MCU: variants seen among roughly 807,000 people sequenced by gnomAD.
MCU encodes the protein mitochondrial calcium uniporter.
Under a neutral mutation model 45.2 loss-of-function variants are expected in MCU, and 12 were observed. The observed-to-expected ratio is 0.27, with a 90% CI of 0.17 to 0.43. The LOEUF is 0.43. MCU is among the 20% of genes least tolerant of loss of function. MCU has a pLI of 1.00. For missense variants in MCU, 324 were observed against 436.7 expected (o/e 0.74, Z 2.30); for synonymous variants, 160 against 165.1 (o/e 0.97, Z 0.24).
chr10:72,765,932 T>C (rs765693505), intron 1 of MCU, among the ~76,000 whole-genome samples: 8 of 152,046 alleles, frequency 5.3e-5, no homozygotes, highest in Non-Finnish European at 1.0e-4. Flanking sequence ...AATGGCGAGA[T>C]CATAACTCAC....
rs549411612 is a variant in MCU, at chr10:72,699,922, C to T, written c.150+7621C>T. Among the ~76,000 whole-genome samples, 8 of 151,540 alleles carry T rather than the reference C, an allele frequency of 5.3e-5. No individual in the cohort carries two copies. In the South Asian group the frequency reaches 1.7e-3, roughly 32 times the overall value. ...GGTTTTTTTCTTAGTAGCTCAGCAT[C>T]TTAATACAGAACTGGAAATGGGTCA... On this transcript the variant is annotated intron_variant, in intron 1 of 7. Coordinates refer to ENST00000373053, the MANE Select transcript of MCU (RefSeq NM_138357.3).
chr10:72,760,288 C>T (rs1217348081), intron 1 of MCU, among the ~76,000 whole-genome samples: 1 of 151,902 alleles, frequency 6.6e-6, no homozygotes, highest in South Asian at 2.1e-4. Context: ...TGGGCTCAAG[C>T]GATCCTCCCA....
chr10:72,868,960 A>G lies in MCU; in HGVS notation c.657+97A>G. ...CTTGTAAGTTTTATGCAATTGAGTC[A>G]TGTCAATCAAGTTAGTTCTTTAGTT... On this transcript the variant is annotated intron_variant, in intron 5 of 7. Coordinates refer to ENST00000373053, the MANE Select transcript of MCU (RefSeq NM_138357.3). 4.7e-6 allele frequency: 6 copies of G among 1,270,820 alleles called. No homozygotes were observed. In the South Asian group the frequency reaches 9.1e-5, roughly 19 times the overall value. The allele number at this position is 1,270,820 out of a possible 1,614,324, so 78.7% of individuals were successfully genotyped here. A position where few individuals can be genotyped will look rare whatever the true frequency, so the allele number is the denominator to read the frequency against.
intron 1 of MCU, among the ~76,000 whole-genome samples, chr10:72,698,545 C>A (rs1217634030): frequency 1.3e-5 from 2 of 152,192 alleles, no homozygotes; most frequent in Admixed American, 1.3e-4. Flanking sequence ...TACTCTGTCG[C>A]CCAGGCTGGA....
intron 2 of MCU, among the ~76,000 whole-genome samples, chr10:72,858,211 G>A (rs950417658): frequency 6.6e-6 from 1 of 152,146 alleles, no homozygotes; most frequent in Non-Finnish European, 1.5e-5. Context: ...TATAGGAGAG[G>A]CCATGCATAT....
At chr10:72,869,661 A>G (rs962559780) in intron 5 of MCU, among the ~76,000 whole-genome samples, 5 of 152,230 alleles carry the variant, frequency 3.3e-5, no homozygotes, top group African/African-American at 1.2e-4. Context: ...TTAAAAATCA[A>G]TATAATGACT....
intron 1 of MCU, among the ~76,000 whole-genome samples, chr10:72,806,728 A>C (rs1048940350): frequency 2.0e-4 from 30 of 152,234 alleles, no homozygotes; most frequent in Non-Finnish European, 7.3e-5. Context: ...GCAATTGTTG[A>C]GCTACTTTAG....
intron 6 of MCU, among the ~76,000 whole-genome samples, chr10:72,880,290 A>G (rs1009319414): frequency 2.0e-5 from 3 of 152,210 alleles, no homozygotes. Flanking sequence ...AAAAATACAG[A>G]AGAAATGTAC....
chr10:72,817,059 T>C (rs1306458745), intron 1 of MCU, among the ~76,000 whole-genome samples: 1 of 152,206 alleles, frequency 6.6e-6, no homozygotes, highest in Non-Finnish European at 1.5e-5. Context: ...TCCAGAAGCA[T>C]TCAGGAGAAT....
intron 4 of MCU, among the ~76,000 whole-genome samples, chr10:72,867,854 C>CAAA (rs777086421): frequency 4.8e-5 from 3 of 62,860 alleles, no homozygotes; most frequent in Admixed American, 1.9e-4. Flanking sequence ...GACTTTGTCT[C>CAAA]AAAAAAAAAA....
intron 1 of MCU, among the ~76,000 whole-genome samples, chr10:72,767,476 T>C (rs1356974079): frequency 6.6e-6 from 1 of 152,092 alleles, no homozygotes; most frequent in Non-Finnish European, 1.5e-5. Context: ...TCATTTCAGC[T>C]CTTTTGTATT....
chr10:72,757,839 G>T (rs1589447113), intron 1 of MCU, among the ~76,000 whole-genome samples: 1 of 152,216 alleles, frequency 6.6e-6, no homozygotes, highest in African/African-American at 2.4e-5. Flanking sequence ...AGATTAACAA[G>T]CGAAAAACAA....
At chr10:72,779,095 G>A (rs545011816) in intron 1 of MCU, among the ~76,000 whole-genome samples, 12 of 152,076 alleles carry the variant, frequency 7.9e-5, no homozygotes, top group African/African-American at 1.9e-4. Flanking sequence ...TCAGCCTCCC[G>A]AGTAGCTGGG....
At chr10:72,794,417 G>T (rs141201073) in intron 1 of MCU, among the ~76,000 whole-genome samples, 1 of 152,302 alleles carries the variant, frequency 6.6e-6, no homozygotes, top group African/African-American at 2.4e-5. Flanking sequence ...TGCCTATGGG[G>T]TTGTTTCCTA....
rs1373724283 is a variant in MCU, at chr10:72,758,975, A to T, written c.150+66674A>T. The stretch of plus-strand genomic sequence containing the variant: ...ATGAGCTTCAAGATAAAAAGGCTCT[A>T]GTTCTGTTTGTAGCTCTGTACCTGT... On this transcript the variant is annotated intron_variant, in intron 1 of 7. Transcript: ENST00000373053. Among the ~76,000 whole-genome samples the T allele has an allele frequency of 2.6e-5, 4 of 152,300 alleles. No homozygotes were observed. In the East Asian group the frequency reaches 7.7e-4, roughly 29 times the overall value.
intron 1 of MCU, among the ~76,000 whole-genome samples, chr10:72,720,369 T>C (rs1843005056): frequency 6.6e-6 from 1 of 152,234 alleles, no homozygotes; most frequent in East Asian, 1.9e-4. Flanking sequence ...TTCAGGTATA[T>C]GTCTGCATAC....
At chr10:72,704,663 A>T (rs1842796492) in intron 1 of MCU, among the ~76,000 whole-genome samples, 1 of 150,808 alleles carries the variant, frequency 6.6e-6, no homozygotes, top group Non-Finnish European at 1.5e-5. Flanking sequence ...TCAGCATCCC[A>T]AGTAACTGGG....
At chr10:72,854,307 G>A (rs547600777) in intron 2 of MCU, among the ~76,000 whole-genome samples, 7 of 151,968 alleles carry the variant, frequency 4.6e-5, no homozygotes, top group African/African-American at 1.7e-4. Context: ...AAAAGTAAAA[G>A]TTTTAAAAAG....
rs866675744 is a variant in MCU, at chr10:72,789,764, A to G, written c.151-44595A>G. Among the ~76,000 whole-genome samples, 9 of 152,182 alleles carry G rather than the reference A, an allele frequency of 5.9e-5. No homozygotes were observed. The South Asian group carries it at 1.7e-3, about 28-fold the overall frequency. ...CAAATTTTCACCCAGGAAAAAGACT[A>G]TCAATATCTTAATCTTTGTAACCTT... On this transcript the variant is annotated intron_variant, in intron 1 of 7. Coordinates refer to ENST00000373053, the MANE Select transcript of MCU (RefSeq NM_138357.3).
Sources: gnomAD v4.1 joint callset for allele counts (sites outside exome capture counted in the v4.1 genomes callset) on GRCh38, gnomAD v4.1.1 for gene constraint, MANE v1.5 for transcripts, NCBI Gene and HGNC (gene_info 2026-07-23, HGNC 2026-07-21) for gene names.